The following CCDC32 variants were observed in gnomAD, a reference collection of about 807,000 sequenced individuals.
CCDC32 encodes coiled-coil domain-containing protein 32.
Under a neutral mutation model 20.1 loss-of-function variants are expected in CCDC32, and 9 were observed. The observed-to-expected ratio is 0.45, with a 90% CI of 0.27 to 0.78. CCDC32 has a LOEUF of 0.78. CCDC32 is among the 30% of genes least tolerant of loss of function. The pLI, the probability that CCDC32 is intolerant of heterozygous loss-of-function variation, is 0.16. For missense variants in CCDC32, 204 were observed against 215.5 expected (o/e 0.95, Z 0.33); for synonymous variants, 63 against 79.0 (o/e 0.80, Z 1.07).
downstream of CCDC32, among the ~76,000 whole-genome samples, chr15:40,533,886 G>A (rs550531196): frequency 1.3e-5 from 2 of 152,072 alleles, no homozygotes; most frequent in African/African-American, 2.4e-5. Flanking sequence ...AACACATGAA[G>A]AAATCAAATT....
rs540487919 is a variant in CCDC32, at chr15:40,539,415, C to T, written c.402-60G>A. ...AGATAGACAGATACAGTCAGAGGCA[C>T]ACACTAACAGAGTCAAAGAGAGACA... On this transcript the variant is annotated intron_variant, in intron 3 of 3. Coordinates refer to the CCDC32 transcript ENST00000558113. The T allele has an allele frequency of 4.6e-5, 64 of 1,398,508 alleles. No homozygotes were observed. In the South Asian group the frequency reaches 7.5e-4, roughly 16 times the overall value. 86.6% of individuals were successfully genotyped at this position (1,398,508 alleles called of 1,614,324 possible).
chr15:40,562,672 A>G (rs1271199804), intron 2 of CCDC32, 100 bp downstream of exon 2: 1 of 1,345,726 alleles, frequency 7.4e-7, no homozygotes, highest in East Asian at 2.3e-5. Flanking sequence ...ATTATATCTG[A>G]CAGATACGTG....
chr15:40,530,154 G>T (rs1033483931), downstream of CCDC32, among the ~76,000 whole-genome samples: 1 of 151,082 alleles, frequency 6.6e-6, no homozygotes, highest in Admixed American at 6.6e-5. Context: ...TGAGCCAGGC[G>T]TGGTGGCACA....
downstream of CCDC32, chr15:40,534,709 A>G (rs1240446624): frequency 1.7e-6 from 1 of 585,134 alleles, no homozygotes; most frequent in Non-Finnish European, 3.1e-6. Context: ...GAAGAGAACT[A>G]GCTAGGTCTC....
chr15:40,561,259 A>T (rs1384179648), intron 2 of CCDC32, among the ~76,000 whole-genome samples: 1 of 152,074 alleles, frequency 6.6e-6, no homozygotes, highest in Non-Finnish European at 1.5e-5. Context: ...TGGATCACGA[A>T]GTCAGGAGTT....
chr15:40,564,102 G>A (rs1890859687), intron 1 of CCDC32, among the ~76,000 whole-genome samples: 1 of 152,008 alleles, frequency 6.6e-6, no homozygotes. Flanking sequence ...TTACAGGCGT[G>A]AGCCACCGCG....
At chr15:40,535,389 T>A, downstream of CCDC32, 17 of 1,033,194 alleles carry the variant, frequency 1.6e-5, no homozygotes, top group Non-Finnish European at 2.0e-5. Flanking sequence ...GAATAATGCT[T>A]TATATTTCTA....
chr15:40,545,996 T>C (rs1048222846), intron 3 of CCDC32, among the ~76,000 whole-genome samples: 6 of 152,198 alleles, frequency 3.9e-5, no homozygotes, highest in Admixed American at 6.5e-5. Flanking sequence ...ACAGCTCTTA[T>C]AGGTTTTGCT....
chr15:40,562,462 C>A (rs1261592975), intron 2 of CCDC32, among the ~76,000 whole-genome samples: 1 of 152,096 alleles, frequency 6.6e-6, no homozygotes. Context: ...CGCCTGTAAT[C>A]CCAGCTACTC....
chr15:40,539,358 A>T (rs760103159), intron 3 of CCDC32: 18 of 1,535,310 alleles, frequency 1.2e-5, no homozygotes, highest in Non-Finnish European at 1.6e-5. Flanking sequence ...TACAGGGCCT[A>T]TGGGAATAAG....
intron 2 of CCDC32, 44 bp downstream of exon 2, chr15:40,562,728 T>G (rs773732450): frequency 7.6e-5 from 120 of 1,571,502 alleles, no homozygotes; most frequent in Non-Finnish European, 1.0e-4. Context: ...CCAAGTTTGA[T>G]GTAACAGAAC....
chr15:40,555,043 C>T (rs116934181), intron 3 of CCDC32, among the ~76,000 whole-genome samples: 27 of 152,324 alleles, frequency 1.8e-4, no homozygotes, highest in Middle Eastern at 3.4e-3. Flanking sequence ...CCCTCACATA[C>T]GTGAAGACCT....
chr15:40,541,126 G>T (rs746332655), intron 3 of CCDC32, among the ~76,000 whole-genome samples: 1 of 152,194 alleles, frequency 6.6e-6, no homozygotes, highest in Non-Finnish European at 1.5e-5. Flanking sequence ...GTGACCAGCC[G>T]CAGCTGCAGC....
At chr15:40,530,291 C>A (rs1286252986), downstream of CCDC32, among the ~76,000 whole-genome samples, 182 of 99,476 alleles carry the variant, frequency 1.8e-3, no homozygotes, top group South Asian at 2.3e-3. Context: ...AACTACATCT[C>A]AAAAAAAAAA....
downstream of CCDC32, among the ~76,000 whole-genome samples, chr15:40,530,714 A>G (rs947098303): frequency 1.2e-4 from 12 of 98,996 alleles, no homozygotes; most frequent in African/African-American, 3.3e-4. Context: ...ACCCAGTCTC[A>G]GGTATTCCTT....
chr15:40,524,146 CTTTTTTTTTTT>C (rs66753325), downstream of CCDC32, among the ~76,000 whole-genome samples: 17 of 89,138 alleles, frequency 1.9e-4, no homozygotes, highest in Non-Finnish European at 2.6e-4. Flanking sequence ...CATGCATAAT[CTTTTTTTTTTT>C]TTTTTTTTTT....
downstream of CCDC32, among the ~76,000 whole-genome samples, chr15:40,533,289 AT>A (rs1888962608): frequency 6.6e-6 from 1 of 152,190 alleles, no homozygotes; most frequent in African/African-American, 2.4e-5. Flanking sequence ...GAAGAATTAA[AT>A]GTTGAAGGAG....
chr15:40,558,489 A>T (rs1530942), intron 2 of CCDC32, among the ~76,000 whole-genome samples: 1 of 152,024 alleles, frequency 6.6e-6, no homozygotes. Context: ...AGGTTATTTA[A>T]CAATAAAAAC....
Position 40,553,993 on chromosome 15 carries a change from T to G in CCDC32, c.536A>C (p.Lys179Thr), listed in dbSNP as rs754277396. Residue 179 changes from lysine to threonine, a missense_variant, in exon 4 of 4, where the codon AAG becomes ACG. Lys to Thr is a moderately conservative substitution (Grantham distance 78). Transcript: ENST00000416810. ...AATTTACTGTTCTGCTGCTGCTGGCTTGTCCCCGGCTGCTGGCTCGTCCTC... is the reference window on the plus strand; with the variant it reads ...AATTTACTGTTCTGCTGCTGCTGGCGTGTCCCCGGCTGCTGGCTCGTCCTC... Reference protein sequence around the residue: ...VAEDEPAAGDKPAAAEQ With the variant: ...VAEDEPAAGDTPAAAEQ The G allele has an allele frequency of 3.1e-6, 5 of 1,610,640 alleles. No individual in the cohort carries two copies. The highest frequency in any genetic ancestry group is 4.2e-6 in the Non-Finnish European group (5 of 1,179,168).
Sources: gnomAD v4.1 joint callset for allele counts (sites outside exome capture counted in the v4.1 genomes callset) on GRCh38, gnomAD v4.1.1 for gene constraint, MANE v1.5 for transcripts, NCBI Gene and HGNC (gene_info 2026-07-23, HGNC 2026-07-21) for gene names.